KCNC1: variants seen among roughly 807,000 people sequenced by gnomAD.
KCNC1 encodes the protein potassium voltage-gated channel subfamily C member 1.
In KCNC1, 8 loss-of-function variants were observed where a neutral mutation model predicts 43.4. That is an observed-to-expected ratio of 0.18 (90% CI 0.11 to 0.33). The LOEUF (loss-of-function observed/expected upper bound fraction) is 0.33, where lower values mean the gene tolerates loss of function less well. KCNC1 is among the 10% of genes least tolerant of loss of function. The probability of loss-of-function intolerance (pLI) is 1.00; values close to 1 mark genes in which losing one functional copy is unlikely to be tolerated. For missense variants in KCNC1, 420 were observed against 836.0 expected (o/e 0.50, Z 6.14); for synonymous variants, 361 against 360.5 (o/e 1.00, Z -0.01).
intron 1 of KCNC1, among the ~76,000 whole-genome samples, chr11:17,744,516 TG>T (rs1354214298): frequency 6.7e-6 from 1 of 149,550 alleles, no homozygotes; most frequent in African/African-American, 2.6e-5. Flanking sequence ...GGCACAGACC[TG>T]GGGGGATCAC....
Position 17,777,885 on chromosome 11 carries a change from G to T in KCNC1, c.1505-1571G>T. ...GTACACGGGCGGTAATCCCACCCAC[G>T]TGCACGCCCAGCGTGTGCACGTGGG... is the stretch of plus-strand genomic sequence containing the variant. On this transcript the variant is annotated intron_variant, in intron 2 of 3. Transcript: ENST00000265969. This position sits in a 1 kb window ranked among gnomAD's most constrained non-coding sequence, Gnocchi z 4.3. The T allele has an allele frequency of 1.0e-6, 1 of 984,086 alleles. No individual in the cohort carries two copies. Among genetic ancestry groups the T allele is most frequent in the Non-Finnish European group, 1.2e-6 (1 of 828,104 alleles). 61.0% of individuals were successfully genotyped at this position (984,086 alleles called of 1,614,324 possible).
intron 1 of KCNC1, among the ~76,000 whole-genome samples, chr11:17,760,223 T>A (rs952453859): frequency 3.9e-5 from 6 of 152,174 alleles, no homozygotes; most frequent in African/African-American, 1.4e-4. Context: ...AGCACTAAAT[T>A]TAGCCGAGCT....
rs1849252629 is a variant in KCNC1, at chr11:17,773,366, G to C, written c.1504+768G>C. ...GTTGATGGTCGAGTGGGAGTTTCCG[G>C]TGACCCGATGGAAGCGGCTGCCGAG... is the stretch of plus-strand genomic sequence containing the variant. On this transcript the variant is annotated intron_variant, in intron 2 of 3. Transcript: ENST00000265969. This position sits in a 1 kb window ranked among gnomAD's most constrained non-coding sequence, Gnocchi z 4.1. The C allele has an allele frequency of 2.5e-5, 25 of 985,310 alleles. No individual in the cohort carries two copies. The highest frequency in any genetic ancestry group is 3.0e-5 in the Non-Finnish European group (25 of 829,976). The allele number at this position is 985,310 out of a possible 1,614,324, so 61.0% of individuals were successfully genotyped here.
intron 2 of KCNC1, chr11:17,774,005 C>G: frequency 1.0e-6 from 1 of 985,508 alleles, no homozygotes; most frequent in African/African-American, 1.7e-5. Flanking sequence ...CGCTCTCTGA[C>G]CCACCACCCC....
In KCNC1 at chr11:17,781,939, T is replaced by C. The variant is rs1565165600; in HGVS notation, c.*205T>C. 2.2e-6 allele frequency: 1 copy of C among 462,972 alleles called. No individual in the cohort carries two copies. Among genetic ancestry groups the C allele is most frequent in the Non-Finnish European group, 3.8e-6 (1 of 263,818 alleles). 28.7% of individuals were successfully genotyped at this position (462,972 alleles called of 1,614,324 possible). On this transcript the variant is annotated 3_prime_UTR_variant, in exon 4 of 4. Transcript: ENST00000265969. This position sits in a 1 kb window ranked among gnomAD's most constrained non-coding sequence, Gnocchi z 5.1. ...AGAGGATTTCTTTTCCTTCTTTTCA[T>C]TTTTTAAAATTTTATTTTATTTGGG... is the stretch of plus-strand genomic sequence containing the variant.
intron 1 of KCNC1, chr11:17,765,801 C>G (rs900031138): frequency 6.6e-6 from 1 of 152,306 alleles, no homozygotes; most frequent in Non-Finnish European, 1.5e-5. Context: ...GCCGGCAGCC[C>G]AGGAGGGACT....
At chr11:17,743,649 C>T (rs758881522) in intron 1 of KCNC1, among the ~76,000 whole-genome samples, 13 of 152,330 alleles carry the variant, frequency 8.5e-5, no homozygotes, top group East Asian at 1.9e-4. Flanking sequence ...ATGGTGGGAA[C>T]GCTGGCCGCC....
intron 1 of KCNC1, among the ~76,000 whole-genome samples, chr11:17,767,261 T>C (rs112211539): frequency 0.014 from 1,989 of 143,650 alleles, 22 homozygotes; most frequent in African/African-American, 0.027. Flanking sequence ...CTGCAGCCTG[T>C]GTGACAGAGC....
rs143559782 is a variant in KCNC1 at position 17,772,192 on chromosome 11, C to T, written c.1098C>T (p.Ala366=). 1.3e-5 allele frequency: 21 copies of T among 1,613,946 alleles called. No individual in the cohort carries two copies. The highest frequency in any genetic ancestry group is 5.5e-5 in the South Asian group (5 of 91,082). Residue 366 remains alanine (A), a synonymous_variant, in exon 2 of 4, where the codon GCC becomes GCT. Coordinates refer to ENST00000265969, the MANE Select transcript of KCNC1 (RefSeq NM_001112741.2). ...TCTTCGCCACCATGATCTACTACGC[C>T]GAGAGGATAGGGGCACAGCCCAATG... The part of the protein sequence containing the change: ...VLIFATMIYY[A]ERIGAQPNDP...
intron 1 of KCNC1, among the ~76,000 whole-genome samples, chr11:17,753,866 G>A (rs1057505620): frequency 2.6e-5 from 4 of 152,174 alleles, no homozygotes; most frequent in African/African-American, 7.2e-5. Context: ...TCCAGTGCCC[G>A]CATCCAGGTT....
intron 1 of KCNC1, among the ~76,000 whole-genome samples, chr11:17,766,332 G>A (rs1327762325): frequency 6.6e-6 from 1 of 152,190 alleles, no homozygotes; most frequent in Non-Finnish European, 1.5e-5. Context: ...CAGTGTCTGT[G>A]CTTAGGTAAT....
chr11:17,772,562 C>T lies in KCNC1; in HGVS notation c.1468C>T (p.Leu490=), dbSNP rs761216553. ...CAGTACTCAGAGTGACACATGTCCG[C>T]TGGCCCAGGAAGAAATTTTAGAAAT... The part of the protein sequence containing the change: ...HHSTQSDTCP[L]AQEEILEINR... The change falls in exon 2 of 4, where the codon CTG becomes TTG. Residue 490 remains leucine (L), a synonymous_variant. Coordinates refer to ENST00000265969, the MANE Select transcript of KCNC1 (RefSeq NM_001112741.2). 27 of 1,613,454 alleles carry T rather than the reference C, an allele frequency of 1.7e-5. No homozygotes were observed. In the South Asian group the frequency reaches 3.0e-4, roughly 18 times the overall value.
intron 1 of KCNC1, among the ~76,000 whole-genome samples, chr11:17,746,460 C>T (rs1848901239): frequency 6.6e-6 from 1 of 152,228 alleles, no homozygotes; most frequent in African/African-American, 2.4e-5. Flanking sequence ...TCTGACTTCT[C>T]CTGGACTCCG....
At chr11:17,744,342 A>C (rs1007259530) in intron 1 of KCNC1, among the ~76,000 whole-genome samples, 3 of 152,156 alleles carry the variant, frequency 2.0e-5, no homozygotes, top group Non-Finnish European at 4.4e-5. Flanking sequence ...ACGTGTGAGC[A>C]ATCCTGGCAA....
rs11024391 is a variant in KCNC1 at position 17,758,404 on chromosome 11, A to C, written c.571-13261A>C. ...ATCAACTCCTTTTGAACTCCTGTTA[A>C]TGTTGCTGTTTTGACCTCCTCCGAT... On this transcript the variant is annotated intron_variant, in intron 1 of 3. Coordinates refer to ENST00000265969, the MANE Select transcript of KCNC1 (RefSeq NM_001112741.2). Among the ~76,000 whole-genome samples the C allele has an allele frequency of 9.5e-3, 1,441 of 152,364 alleles. 11 individuals are homozygous for C. Among genetic ancestry groups the C allele is most frequent in the Non-Finnish European group, 0.014 (936 of 68,032 alleles).
At chr11:17,764,001 C>A (rs1199542003) in intron 1 of KCNC1, among the ~76,000 whole-genome samples, 5 of 142,548 alleles carry the variant, frequency 3.5e-5, no homozygotes, top group African/African-American at 1.3e-4. Context: ...ACACAGACCC[C>A]CACACAGCAC....
chr11:17,743,738 C>T (rs1451661383), intron 1 of KCNC1, among the ~76,000 whole-genome samples: 1 of 152,236 alleles, frequency 6.6e-6, no homozygotes, highest in Non-Finnish European at 1.5e-5. Flanking sequence ...AGCCTCCTCC[C>T]TGGTCCTCAT....
At chr11:17,759,447 T>C (rs1046980419) in intron 1 of KCNC1, among the ~76,000 whole-genome samples, 1 of 152,234 alleles carries the variant, frequency 6.6e-6, no homozygotes, top group Non-Finnish European at 1.5e-5. Context: ...TTCCTTTGCA[T>C]TATTCAGACT....
At chr11:17,752,308 AC>A (rs1399063447) in intron 1 of KCNC1, among the ~76,000 whole-genome samples, 1 of 151,932 alleles carries the variant, frequency 6.6e-6, no homozygotes, top group Non-Finnish European at 1.5e-5. Flanking sequence ...ACCAAGCTGC[AC>A]CCCCCACACA....
Sources: allele counts gnomAD v4.1 joint callset (sites outside exome capture counted in the v4.1 genomes callset), GRCh38; gene constraint gnomAD v4.1.1; non-coding constraint Gnocchi (gnomAD v3.1); transcripts MANE v1.5; gene names NCBI Gene and HGNC (gene_info 2026-07-23, HGNC 2026-07-21).